Variants in CNTNAP2 observed in about 807,000 individuals in gnomAD.
CNTNAP2 encodes the protein contactin associated protein 2.
A neutral mutation model predicts 155.2 loss-of-function variants in CNTNAP2; 98 were observed. That is an observed-to-expected ratio of 0.63 (90% CI 0.54 to 0.75). The LOEUF (loss-of-function observed/expected upper bound fraction) is 0.75, where lower values mean the gene tolerates loss of function less well. CNTNAP2 is among the 30% of genes least tolerant of loss of function. The probability of loss-of-function intolerance (pLI) is 0.00; values close to 1 mark genes in which losing one functional copy is unlikely to be tolerated. For missense variants in CNTNAP2, 1,727 were observed against 1,688.1 expected (o/e 1.02, Z -0.40); for synonymous variants, 651 against 631.2 (o/e 1.03, Z -0.47).
Position 148,363,457 on chromosome 7 carries a change from G to C in CNTNAP2, c.3476-20192G>C, listed in dbSNP as rs1302064515. Among the ~76,000 whole-genome samples the C allele has an allele frequency of 5.9e-5, 9 of 152,332 alleles. 1 individual carries two copies. The South Asian group carries it at 1.9e-3, about 32-fold the overall frequency. On this transcript the variant is annotated intron_variant, in intron 21 of 23. Transcript: ENST00000361727. ...AATATTATTTTTTGACTGAATTAGTGGCTGAATTAATAAGTGAAAGACAAA... is the reference window on the plus strand; with the variant it reads ...AATATTATTTTTTGACTGAATTAGTCGCTGAATTAATAAGTGAAAGACAAA...
chr7:148,160,112 C>T (rs186060025), intron 17 of CNTNAP2, among the ~76,000 whole-genome samples: 1 of 152,220 alleles, frequency 6.6e-6, no homozygotes, highest in East Asian at 1.9e-4. Flanking sequence ...TGGTGGCACA[C>T]ACCTGTAATA....
At chr7:147,587,254 A>G (rs1800647531) in intron 12 of CNTNAP2, among the ~76,000 whole-genome samples, 1 of 152,198 alleles carries the variant, frequency 6.6e-6, no homozygotes, top group African/African-American at 2.4e-5. Flanking sequence ...TTATCAGTTC[A>G]GAACCGATGC....
At chr7:146,597,679 T>C (rs1798883839) in intron 1 of CNTNAP2, among the ~76,000 whole-genome samples, 1 of 152,060 alleles carries the variant, frequency 6.6e-6, no homozygotes, top group African/African-American at 2.4e-5. Flanking sequence ...TGGACATTTC[T>C]GGGGATACTG....
intron 1 of CNTNAP2, among the ~76,000 whole-genome samples, chr7:146,159,398 C>T (rs1386584195): frequency 9.9e-5 from 15 of 152,046 alleles, no homozygotes; most frequent in Admixed American, 9.8e-4. Context: ...CAATATTAAC[C>T]TTAAATGTAG....
At chr7:146,459,704 C>G (rs1184813331) in intron 1 of CNTNAP2, among the ~76,000 whole-genome samples, 1 of 152,138 alleles carries the variant, frequency 6.6e-6, no homozygotes, top group African/African-American at 2.4e-5. Flanking sequence ...AGCGCGGTGC[C>G]TCACGCCTGT....
At chr7:147,000,297 A>AT (rs932113254) in intron 3 of CNTNAP2, among the ~76,000 whole-genome samples, 22 of 151,688 alleles carry the variant, frequency 1.5e-4, no homozygotes, top group Admixed American at 7.9e-4. Context: ...GTTTTTCTGT[A>AT]TTTTTTTGAC....
chr7:147,190,854 A>C (rs1802665646), intron 8 of CNTNAP2, among the ~76,000 whole-genome samples: 1 of 152,184 alleles, frequency 6.6e-6, no homozygotes, highest in South Asian at 2.1e-4. Flanking sequence ...GAAATATGAA[A>C]AATGTTAACT....
At chr7:146,786,029 T>C (rs1225367921) in intron 2 of CNTNAP2, among the ~76,000 whole-genome samples, 1 of 152,150 alleles carries the variant, frequency 6.6e-6, no homozygotes, top group African/African-American at 2.4e-5. Context: ...AGTCCACAAG[T>C]AGCCGTTTGG....
chr7:146,277,799 T>A (rs1800187412), intron 1 of CNTNAP2, among the ~76,000 whole-genome samples: 1 of 152,184 alleles, frequency 6.6e-6, no homozygotes, highest in South Asian at 2.1e-4. Context: ...ACACTTGGTC[T>A]GGCTAGAAAT....
chr7:146,724,447 G>A (rs1231378906), intron 1 of CNTNAP2, among the ~76,000 whole-genome samples: 2 of 150,612 alleles, frequency 1.3e-5, no homozygotes, highest in East Asian at 2.0e-4. Context: ...AATACTGAAA[G>A]ACACATCTTT....
At chr7:148,355,157 C>T (rs909363661) in intron 21 of CNTNAP2, among the ~76,000 whole-genome samples, 1 of 133,416 alleles carries the variant, frequency 7.5e-6, no homozygotes, top group African/African-American at 2.8e-5. Flanking sequence ...ATGCATCAGC[C>T]GCCAGCTGCT....
chr7:147,709,699 G>A (rs1259029400), intron 13 of CNTNAP2, among the ~76,000 whole-genome samples: 1 of 152,160 alleles, frequency 6.6e-6, no homozygotes, highest in African/African-American at 2.4e-5. Flanking sequence ...ATGATGTTCA[G>A]AGACAAACCT....
chr7:146,744,227 CAAAAA>C (rs60606492), intron 1 of CNTNAP2, among the ~76,000 whole-genome samples: 14 of 48,154 alleles, frequency 2.9e-4, no homozygotes, highest in Non-Finnish European at 4.5e-4. Context: ...CACTCTGTCT[CAAAAA>C]AAAAAAAAAA....
Position 148,323,442 on chromosome 7 carries a change from TA to T in CNTNAP2, c.3475+56318del, listed in dbSNP as rs1797836288. Among the ~76,000 whole-genome samples, 3 of 151,818 alleles carry T rather than the reference TA, an allele frequency of 2.0e-5. No homozygotes were observed. The South Asian group carries it at 6.3e-4, about 32-fold the overall frequency. On this transcript the variant is annotated intron_variant, in intron 21 of 23. Coordinates refer to ENST00000361727, the MANE Select transcript of CNTNAP2 (RefSeq NM_014141.6). ...TAAGAGGTAGTACACTTTTTTTTTT[TA>T]ATTGTTTGCCTCATTTTCCCACCAT...
rs1286502803 is a variant in CNTNAP2 at position 147,120,920 on chromosome 7, CT to C, written c.755-57del. Reference sequence around the variant, plus strand: ...GGTGCTGTAAATGAAAGATCTTCTGCTTCACAGAGTTGGCCATAGCATCATT... The same window carrying C: ...GGTGCTGTAAATGAAAGATCTTCTGCTCACAGAGTTGGCCATAGCATCATT... On this transcript the variant is annotated intron_variant, in intron 5 of 23. Transcript: ENST00000361727. 3 of 1,497,098 alleles carry C rather than the reference CT, an allele frequency of 2.0e-6. No individual in the cohort carries two copies. The African/African-American group carries it at 4.1e-5, about 21-fold the overall frequency. 92.7% of individuals were successfully genotyped at this position (1,497,098 alleles called of 1,614,324 possible).
intron 4 of CNTNAP2, among the ~76,000 whole-genome samples, chr7:147,058,676 G>A (rs921612598): frequency 2.0e-5 from 3 of 152,070 alleles, no homozygotes; most frequent in East Asian, 3.9e-4. Context: ...GCGTGATCTC[G>A]GCTCACTGCA....
intron 12 of CNTNAP2, among the ~76,000 whole-genome samples, chr7:147,637,441 A>T (rs1686038408): frequency 1.3e-5 from 2 of 152,148 alleles, no homozygotes; most frequent in Admixed American, 6.5e-5. Flanking sequence ...GAGCACCTGA[A>T]AGAATGGAGT....
intron 13 of CNTNAP2, among the ~76,000 whole-genome samples, chr7:147,849,628 C>T (rs1419326959): frequency 6.6e-6 from 1 of 152,146 alleles, no homozygotes; most frequent in East Asian, 1.9e-4. Context: ...TGCAAAGAAA[C>T]CTCTTCCTCC....
chr7:146,735,850 G>A (rs1272170258), intron 1 of CNTNAP2, among the ~76,000 whole-genome samples: 1 of 152,050 alleles, frequency 6.6e-6, no homozygotes, highest in Non-Finnish European at 1.5e-5. Flanking sequence ...ACGTTAGGGT[G>A]ACTGTAGTTA....
Sources: allele counts gnomAD v4.1 joint callset (sites outside exome capture counted in the v4.1 genomes callset), GRCh38; gene constraint gnomAD v4.1.1; transcripts MANE v1.5; gene names NCBI Gene and HGNC (gene_info 2026-07-23, HGNC 2026-07-21).